MYO5A: variants seen among roughly 807,000 people sequenced by gnomAD.
MYO5A encodes unconventional myosin-Va.
In MYO5A, 98 loss-of-function variants were observed where a neutral mutation model predicts 249.7. The observed-to-expected ratio is 0.39, with a 90% confidence interval of 0.33 to 0.46. The LOEUF (loss-of-function observed/expected upper bound fraction) is 0.46, where lower values mean the gene tolerates loss of function less well. MYO5A is among the 20% of genes least tolerant of loss of function. The pLI, the probability that MYO5A is intolerant of heterozygous loss-of-function variation, is 0.98. For missense variants in MYO5A, 1,696 were observed against 2,308.8 expected, an observed-to-expected ratio of 0.73 and a Z score of 5.44; for synonymous variants, 778 against 810.6, an observed-to-expected ratio of 0.96 and a Z score of 0.68.
intron 1 of MYO5A, among the ~76,000 whole-genome samples, chr15:52,509,648 A>G (rs544760299): frequency 2.0e-5 from 3 of 152,360 alleles, no homozygotes; most frequent in African/African-American, 7.2e-5. Context: ...ACAGCTGTAA[A>G]TAAGCCAATA....
rs1490860698 is a variant in MYO5A, at chr15:52,376,461, G to A, written c.2306C>T (p.Ala769Val). The change falls in exon 19 of 42, where the codon GCC (alanine) becomes GTC (valine). Residue 769 changes from alanine (A) to valine (V), a missense_variant. Physicochemically the swap from Ala to Val is moderately conservative, Grantham distance 64. Around this residue, in one of 5 missense-constraint regions of MYO5A, gnomAD observed 277 missense variants for 422.4 expected, o/e 0.66. Transcript: ENST00000399233. ...GATGGTCTTCTGGATCCGGATGCAGGCAGCTCTCAGTTTGTCAGCTCTCAA... is the reference window on the plus strand; with the variant it reads ...GATGGTCTTCTGGATCCGGATGCAGACAGCTCTCAGTTTGTCAGCTCTCAA... ...EKLRADKLRA[A>V]CIRIQKTIRG... 4.3e-6 allele frequency: 7 copies of A among 1,614,010 alleles called. No individual in the cohort carries two copies. Among genetic ancestry groups the A allele is most frequent in the Admixed American group, 1.7e-5 (1 of 60,010 alleles).
chr15:52,517,252 T>C (rs1250971762), intron 1 of MYO5A, among the ~76,000 whole-genome samples: 1 of 152,232 alleles, frequency 6.6e-6, no homozygotes, highest in Non-Finnish European at 1.5e-5. Context: ...ACTTGAATTC[T>C]AAAATTAACT....
intron 2 of MYO5A, among the ~76,000 whole-genome samples, chr15:52,431,609 C>T (rs1006373007): frequency 6.6e-6 from 1 of 151,110 alleles, no homozygotes; most frequent in Admixed American, 6.6e-5. Context: ...TACTATCCTC[C>T]AATATAAGGT....
At chr15:52,390,548 CT>C (rs961218362) in intron 12 of MYO5A, among the ~76,000 whole-genome samples, 48 of 140,166 alleles carry the variant, frequency 3.4e-4, no homozygotes, top group East Asian at 8.2e-4. Context: ...TTCTCCCTCT[CT>C]TTTTTTTTTT....
At chr15:52,331,747 C>T (rs1408052533) in intron 34 of MYO5A, 3 of 985,296 alleles carry the variant, frequency 3.0e-6, no homozygotes, top group East Asian at 2.3e-4. Context: ...ACACACCGTC[C>T]ACCTCATGCT....
intron 2 of MYO5A, among the ~76,000 whole-genome samples, chr15:52,432,947 A>C (rs578051733): frequency 6.6e-6 from 1 of 152,342 alleles, no homozygotes; most frequent in East Asian, 1.9e-4. Context: ...ATAAATTCAC[A>C]GGCCAAAATA....
chr15:52,323,319 T>C, intron 37 of MYO5A, 36 bp downstream of exon 37: 1 of 1,544,484 alleles, frequency 6.5e-7, no homozygotes, highest in Non-Finnish European at 8.9e-7. Flanking sequence ...TCAGAGAAAG[T>C]ATAGCATGCT....
rs147422613 is a variant in MYO5A at position 52,322,879 on chromosome 15, G to A, written c.4800+476C>T. Among the ~76,000 whole-genome samples, 1,237 of 149,420 alleles carry A rather than the reference G, an allele frequency of 8.3e-3. 10 individuals carry two copies. Among genetic ancestry groups the A allele is most frequent in the African/African-American group, 0.02 (830 of 40,550 alleles). On this transcript the variant is annotated intron_variant, in intron 37 of 41. Transcript: ENST00000399233. ...AAGTTTTAGGGTACATGTGCACAAT[G>A]TGCAGGTTAGTTACATATGCATACA...
At position 52,366,906 on chromosome 15, in the gene MYO5A, T is replaced by C. The variant is rs1030125165; in HGVS notation, c.3160+125A>G. 33 of 862,324 alleles carry C rather than the reference T, an allele frequency of 3.8e-5. 1 individual carries two copies. The highest frequency in any genetic ancestry group is 6.4e-4 in the Middle Eastern group (2 of 3,114). The allele number at this position is 862,324 out of a possible 1,614,324, so 53.4% of individuals were successfully genotyped here. On this transcript the variant is annotated intron_variant, in intron 23 of 41. Coordinates refer to ENST00000399233, the MANE Select transcript of MYO5A (RefSeq NM_001382347.1). ...TCTTGGAACTTTATAAATTTGCTGA[T>C]GACAGCCTCAACTTTTAAAAATATT...
chr15:52,330,267 G>GA, intron 35 of MYO5A, 86 bp downstream of exon 35: 1 of 1,547,558 alleles, frequency 6.5e-7, no homozygotes, highest in Non-Finnish European at 8.9e-7. Context: ...AACCTACGCT[G>GA]AATATCTCAA....
At chr15:52,474,935 T>C (rs2076559299) in intron 1 of MYO5A, among the ~76,000 whole-genome samples, 2 of 152,210 alleles carry the variant, frequency 1.3e-5, no homozygotes, top group Admixed American at 1.3e-4. Flanking sequence ...TCTTTTTCTA[T>C]TGATTGGAAT....
At chr15:52,369,488 T>C (rs919448695) in intron 22 of MYO5A, among the ~76,000 whole-genome samples, 1 of 152,200 alleles carries the variant, frequency 6.6e-6, no homozygotes, top group African/African-American at 2.4e-5. Flanking sequence ...TAATACAAAT[T>C]TGAAGCGTGC....
chr15:52,339,805 G>T (rs2039296267), intron 32 of MYO5A, among the ~76,000 whole-genome samples: 1 of 152,174 alleles, frequency 6.6e-6, no homozygotes, highest in South Asian at 2.1e-4. Context: ...GATGGCCTCA[G>T]TGGCTGCTTG....
chr15:52,425,806 A>T (rs551443412), intron 4 of MYO5A, 24 bp downstream of exon 4: 1 of 1,612,624 alleles, frequency 6.2e-7, no homozygotes, highest in South Asian at 1.1e-5. Flanking sequence ...CTGCCATAAA[A>T]TAACAATGAA....
chr15:52,400,769 A>G (rs77490449), intron 9 of MYO5A, among the ~76,000 whole-genome samples: 1,896 of 152,320 alleles, frequency 0.012, 37 homozygotes, highest in African/African-American at 0.044. Context: ...TGGTACTATC[A>G]ATTGTGATCA....
At chr15:52,466,419 C>G (rs749522284) in intron 1 of MYO5A, among the ~76,000 whole-genome samples, 32 of 152,194 alleles carry the variant, frequency 2.1e-4, no homozygotes, top group African/African-American at 7.0e-4. Flanking sequence ...TAGTATTGAG[C>G]TGCACAGTGA....
At chr15:52,490,081 G>A (rs1206286421) in intron 1 of MYO5A, among the ~76,000 whole-genome samples, 1 of 152,216 alleles carries the variant, frequency 6.6e-6, no homozygotes. Flanking sequence ...GAGTTGGACA[G>A]GATGTGGAGA....
At chr15:52,472,835 T>C (rs1485106536) in intron 1 of MYO5A, among the ~76,000 whole-genome samples, 3 of 152,248 alleles carry the variant, frequency 2.0e-5, no homozygotes, top group Admixed American at 1.3e-4. Context: ...CTATTGTGAA[T>C]AGTACCTCAA....
At chr15:52,499,136 C>G (rs1214705030) in intron 1 of MYO5A, among the ~76,000 whole-genome samples, 1 of 152,160 alleles carries the variant, frequency 6.6e-6, no homozygotes, top group Non-Finnish European at 1.5e-5. Flanking sequence ...ACTCCTGAAG[C>G]AGCTTCTCCT....
Sources: gnomAD v4.1 joint callset for allele counts (sites outside exome capture counted in the v4.1 genomes callset) on GRCh38, gnomAD v4.1.1 for gene constraint, gnomAD v4.1.1 regional missense constraint, MANE v1.5 for transcripts, NCBI Gene and HGNC (gene_info 2026-07-23, HGNC 2026-07-21) for gene names.